Variants in TSHZ2 observed in about 807,000 individuals in gnomAD.
The protein encoded by TSHZ2 is teashirt zinc finger homeobox 2.
Under a neutral mutation model 74.4 loss-of-function variants are expected in TSHZ2, and 21 were observed. The observed-to-expected ratio is 0.28, with a 90% CI of 0.20 to 0.41. TSHZ2 has a LOEUF of 0.41. Ranked by LOEUF, TSHZ2 falls within the 10% of genes least tolerant of loss-of-function variation. TSHZ2 has a pLI of 1.00. For synonymous variants in TSHZ2, 540 were observed against 515.3 expected (o/e 1.05, Z -0.65); for missense variants, 1,244 against 1,293.5 (o/e 0.96, Z 0.59).
intron 1 of TSHZ2, among the ~76,000 whole-genome samples, chr20:53,058,250 G>T (rs1334751480): frequency 6.6e-6 from 1 of 152,100 alleles, no homozygotes; most frequent in Non-Finnish European, 1.5e-5. Flanking sequence ...TACTGGTATG[G>T]GTCTGTAGCC....
At chr20:53,109,953 GA>G (rs1325149581) in intron 1 of TSHZ2, among the ~76,000 whole-genome samples, 1 of 152,184 alleles carries the variant, frequency 6.6e-6, no homozygotes, top group Non-Finnish European at 1.5e-5. Context: ...CAACCTTCAA[GA>G]AGGCCTGGTC....
intron 1 of TSHZ2, among the ~76,000 whole-genome samples, chr20:53,053,459 C>A (rs981045675): frequency 1.3e-5 from 2 of 152,072 alleles, no homozygotes; most frequent in African/African-American, 4.8e-5. Context: ...GCCAAGAGAA[C>A]GGTCTAGGTA....
chr20:53,447,912 AT>A (rs3042218), intron 2 of TSHZ2, among the ~76,000 whole-genome samples: 50,924 of 134,690 alleles, frequency 0.38, 8,451 homozygotes, highest in Middle Eastern at 0.45. Context: ...GGAAGAAGAA[AT>A]TTTTTTTTTT....
chr20:53,325,278 G>A (rs1979442481), intron 2 of TSHZ2, among the ~76,000 whole-genome samples: 1 of 152,174 alleles, frequency 6.6e-6, no homozygotes, highest in Non-Finnish European at 1.5e-5. Context: ...ACATCTCTGA[G>A]GGGAGGGCTT....
At chr20:53,318,012 G>A (rs1236628160) in intron 2 of TSHZ2, among the ~76,000 whole-genome samples, 2 of 152,200 alleles carry the variant, frequency 1.3e-5, no homozygotes, top group Non-Finnish European at 2.9e-5. Context: ...CATTCTAAGA[G>A]CACAAGGCCA....
intron 1 of TSHZ2, among the ~76,000 whole-genome samples, chr20:53,065,752 A>T (rs1340126953): frequency 6.6e-6 from 1 of 152,238 alleles, no homozygotes; most frequent in Non-Finnish European, 1.5e-5. Flanking sequence ...ACGTGAATAT[A>T]TAGGTCTCTA....
intron 1 of TSHZ2, among the ~76,000 whole-genome samples, chr20:53,066,198 T>C (rs987023885): frequency 5.3e-5 from 8 of 152,180 alleles, no homozygotes; most frequent in Admixed American, 4.6e-4. Context: ...CAGAGACCTC[T>C]TCTGCTCTTG....
intron 1 of TSHZ2, among the ~76,000 whole-genome samples, chr20:53,129,662 T>C (rs764276291): frequency 6.6e-6 from 1 of 152,160 alleles, no homozygotes; most frequent in Non-Finnish European, 1.5e-5. Flanking sequence ...AACATGACAT[T>C]ATCACCAGGA....
chr20:53,314,568 T>A (rs1419340259), intron 2 of TSHZ2, among the ~76,000 whole-genome samples: 1 of 151,820 alleles, frequency 6.6e-6, no homozygotes, highest in African/African-American at 2.4e-5. Flanking sequence ...CTCCACCTGA[T>A]TGCTCTCCTT....
intron 2 of TSHZ2, among the ~76,000 whole-genome samples, chr20:53,418,786 A>G (rs6123280): frequency 0.03 from 4,493 of 152,210 alleles, 213 homozygotes; most frequent in East Asian, 0.23. Flanking sequence ...GATCAACCTG[A>G]ACCTGAAGTA....
intron 2 of TSHZ2, among the ~76,000 whole-genome samples, chr20:53,324,077 C>T (rs1007507594): frequency 9.2e-5 from 14 of 152,160 alleles, no homozygotes; most frequent in East Asian, 5.8e-4. Context: ...ATGCGACGGC[C>T]ATCCCTCAAA....
intron 2 of TSHZ2, among the ~76,000 whole-genome samples, chr20:53,435,077 G>A (rs1386136188): frequency 2.0e-5 from 3 of 152,226 alleles, no homozygotes; most frequent in Non-Finnish European, 4.4e-5. Flanking sequence ...AAAAAAGACA[G>A]GAAGCTTTCG....
rs1986412369 is a variant in TSHZ2, at chr20:53,490,189, T to C, written c.*3054T>C. On this transcript the variant is annotated 3_prime_UTR_variant, in exon 3 of 3. Coordinates refer to ENST00000371497, the MANE Select transcript of TSHZ2 (RefSeq NM_173485.6). ...AAAAATTTATATGTCAATATTTAAA[T>C]GTTACATATTTGGCCCTATTTTGTA... 6.6e-6 allele frequency: 1 copy of C among 152,230 alleles called. No homozygotes were observed. Among genetic ancestry groups the C allele is most frequent in the Admixed American group, 6.5e-5 (1 of 15,284 alleles). 9.4% of individuals were successfully genotyped at this position (152,230 alleles called of 1,614,324 possible).
chr20:52,992,714 C>A (rs866305004), intron 1 of TSHZ2, among the ~76,000 whole-genome samples: 1 of 152,090 alleles, frequency 6.6e-6, no homozygotes, highest in Non-Finnish European at 1.5e-5. Flanking sequence ...TCCAAACTTG[C>A]CAAACACATA....
At chr20:53,087,314 T>C (rs923132387) in intron 1 of TSHZ2, among the ~76,000 whole-genome samples, 5 of 152,236 alleles carry the variant, frequency 3.3e-5, no homozygotes, top group Admixed American at 3.3e-4. Context: ...TCCGTTACTG[T>C]AGAGCTTTCT....
intron 2 of TSHZ2, among the ~76,000 whole-genome samples, chr20:53,366,745 C>A (rs141427972): frequency 0.013 from 1,904 of 152,282 alleles, 44 homozygotes; most frequent in African/African-American, 0.04. Context: ...TCCATATTTC[C>A]CCCCTTTGGC....
At chr20:53,192,509 G>A (rs1403478044) in intron 1 of TSHZ2, among the ~76,000 whole-genome samples, 1 of 149,796 alleles carries the variant, frequency 6.7e-6, no homozygotes, top group East Asian at 2.0e-4. Flanking sequence ...GAAAACCAAT[G>A]AGATCTTTCC....
intron 1 of TSHZ2, among the ~76,000 whole-genome samples, chr20:53,170,806 G>A (rs780952431): frequency 6.6e-6 from 1 of 152,100 alleles, no homozygotes; most frequent in East Asian, 1.9e-4. Context: ...ATGTTAGGAC[G>A]TCAGAGTGGT....
chr20:53,197,059 C>T (rs1388096341), intron 1 of TSHZ2, among the ~76,000 whole-genome samples: 1 of 152,190 alleles, frequency 6.6e-6, no homozygotes, highest in Non-Finnish European at 1.5e-5. Flanking sequence ...CCCATCAGCC[C>T]CATCCTCGTT....
Sources: allele counts gnomAD v4.1 joint callset (sites outside exome capture counted in the v4.1 genomes callset), GRCh38; gene constraint gnomAD v4.1.1; transcripts MANE v1.5; gene names NCBI Gene and HGNC (gene_info 2026-07-23, HGNC 2026-07-21).